Variants in ZNF644 observed in about 807,000 individuals in gnomAD.
ZNF644 encodes the protein zinc finger motif enhancer binding protein 2.
A neutral mutation model predicts 108.0 loss-of-function variants in ZNF644; 20 were observed. The ratio of observed to expected loss-of-function variants is 0.19; its 90% CI spans 0.13 to 0.27. The LOEUF (loss-of-function observed/expected upper bound fraction) is 0.27. Among genes scored for constraint, ZNF644 ranks in the 10% least tolerant of loss-of-function variants. The pLI, the probability that ZNF644 is intolerant of heterozygous loss-of-function variation, is 1.00. For synonymous variants in ZNF644, 542 were observed against 539.1 expected (o/e 1.01, Z -0.08); for missense variants, 1,338 against 1,548.9 (o/e 0.86, Z 2.29).
rs751514105 is a variant in ZNF644, at chr1:90,939,319, T to C, written c.2035A>G (p.Lys679Glu). The C allele has an allele frequency of 2.5e-6, 4 of 1,614,028 alleles. No homozygotes were observed. Among genetic ancestry groups the C allele is most frequent in the Non-Finnish European group, 3.4e-6 (4 of 1,179,920 alleles). Residue 679 changes from lysine (K) to glutamate (E), a missense_variant, in exon 3 of 6, where the codon AAG becomes GAG. Lys to Glu is a moderately conservative substitution (Grantham distance 56). Transcript: ENST00000337393. Reference sequence around the variant, plus strand: ...GCTTTCTGTATTCTGTGTGGCCGCTTATGAATTTTTGAAAAACTACTTGAT... The same window carrying C: ...GCTTTCTGTATTCTGTGTGGCCGCTCATGAATTTTTGAAAAACTACTTGAT... ...SQSSSFSKIH[K>E]RPHRIQKARK...
At position 90,989,035 on chromosome 1, in the gene ZNF644, G is replaced by A. The variant is rs141214792; in HGVS notation, c.-17-6665C>T. On this transcript the variant is annotated intron_variant, in intron 1 of 5. Transcript: ENST00000337393. ...AACAAAAAATGGAATTACATTAAAA[G>A]TTAAAAACTTCTGTACATCAAAAGA... Among the ~76,000 whole-genome samples the A allele has an allele frequency of 2.6e-3, 403 of 152,208 alleles. 2 individuals carry two copies. Among genetic ancestry groups the A allele is most frequent in the African/African-American group, 9.3e-3 (386 of 41,548 alleles).
At chr1:90,969,380 T>C (rs1039608539) in intron 2 of ZNF644, among the ~76,000 whole-genome samples, 1 of 152,244 alleles carries the variant, frequency 6.6e-6, no homozygotes, top group African/African-American at 2.4e-5. Flanking sequence ...TAAATTTCTA[T>C]TGTTTAGGCT....
intron 2 of ZNF644, among the ~76,000 whole-genome samples, chr1:90,956,509 C>T (rs1224222891): frequency 1.3e-5 from 2 of 152,018 alleles, no homozygotes; most frequent in Non-Finnish European, 2.9e-5. Flanking sequence ...AATGAAAACA[C>T]AACATACTAA....
chr1:91,021,755 T>C (rs926790311), intron 1 of ZNF644: 19 of 285,710 alleles, frequency 6.7e-5, no homozygotes, highest in African/African-American at 3.8e-4. Context: ...CCCGGGCTCC[T>C]TGTGTAGCAC....
chr1:90,982,212 T>G (rs946632646), intron 2 of ZNF644, 98 bp downstream of exon 2: 1 of 985,718 alleles, frequency 1.0e-6, no homozygotes, highest in African/African-American at 1.6e-5. Context: ...ATTTAAAAAC[T>G]CTTTGGTTCT....
chr1:90,962,139 C>G (rs1355262764), intron 2 of ZNF644, among the ~76,000 whole-genome samples: 1 of 152,010 alleles, frequency 6.6e-6, no homozygotes, highest in Non-Finnish European at 1.5e-5. Context: ...AAGATGTTAA[C>G]TGTATCTCAA....
intron 4 of ZNF644, among the ~76,000 whole-genome samples, chr1:90,933,157 C>T (rs770821869): frequency 6.6e-6 from 1 of 152,078 alleles, no homozygotes; most frequent in Non-Finnish European, 1.5e-5. Context: ...GCAGAATTTT[C>T]AGATGAAGTA....
intron 1 of ZNF644, among the ~76,000 whole-genome samples, chr1:91,008,842 C>A (rs1232450279): frequency 6.6e-6 from 1 of 152,086 alleles, no homozygotes; most frequent in African/African-American, 2.4e-5. Flanking sequence ...CATGAATAAC[C>A]AAGGTTGAAA....
intron 2 of ZNF644, among the ~76,000 whole-genome samples, chr1:90,945,790 C>T (rs564252191): frequency 1.3e-5 from 2 of 152,092 alleles, no homozygotes; most frequent in African/African-American, 4.8e-5. Context: ...CTTTTATGTA[C>T]ATTATTAATT....
At chr1:90,974,761 C>T (rs1381848660) in intron 2 of ZNF644, among the ~76,000 whole-genome samples, 1 of 152,182 alleles carries the variant, frequency 6.6e-6, no homozygotes, top group East Asian at 1.9e-4. Context: ...GATCTGTTCT[C>T]CCCATTTTAA....
intron 1 of ZNF644, among the ~76,000 whole-genome samples, chr1:91,000,770 C>A (rs1406757597): frequency 2.0e-5 from 3 of 151,906 alleles, no homozygotes; most frequent in South Asian, 2.1e-4. Flanking sequence ...AAGATCAACA[C>A]AATAGATAGA....
At chr1:90,960,932 T>A (rs1654275439) in intron 2 of ZNF644, among the ~76,000 whole-genome samples, 1 of 151,888 alleles carries the variant, frequency 6.6e-6, no homozygotes, top group African/African-American at 2.4e-5. Context: ...ACAAGAATCA[T>A]CCAAAAGTGA....
intron 1 of ZNF644, among the ~76,000 whole-genome samples, chr1:90,985,824 G>A (rs1657033027): frequency 6.6e-6 from 1 of 152,118 alleles, no homozygotes; most frequent in South Asian, 2.1e-4. Context: ...AACCAGACGT[G>A]GGACTGCTAT....
chr1:90,937,433 T>A, intron 4 of ZNF644, 52 bp downstream of exon 4: 3 of 1,611,390 alleles, frequency 1.9e-6, no homozygotes, highest in South Asian at 1.1e-5. Flanking sequence ...AAAGAAGGCA[T>A]AATTGAACTG....
intron 1 of ZNF644, among the ~76,000 whole-genome samples, chr1:91,004,243 G>A (rs533774862): frequency 1.4e-5 from 1 of 69,412 alleles, no homozygotes; most frequent in African/African-American, 5.8e-5. Flanking sequence ...GATAAACCCA[G>A]AGAGATCTAC....
Position 90,939,267 on chromosome 1 carries a change from A to G in ZNF644, c.2087T>C (p.Val696Ala), listed in dbSNP as rs1396996802. 19 of 1,613,890 alleles carry G rather than the reference A, an allele frequency of 1.2e-5. No individual in the cohort carries two copies. Among genetic ancestry groups the G allele is most frequent in the Non-Finnish European group, 1.5e-5 (18 of 1,179,934 alleles). Reference protein sequence around the residue: ...KARKSIAQSGVNMCNQNSSPH... With the variant: ...KARKSIAQSGANMCNQNSSPH... Reference sequence around the variant, plus strand: ...AGAGCTGTTTTGATTGCACATGTTTACACCTGATTGGGCAATGCTTTTCCG... The same window carrying G: ...AGAGCTGTTTTGATTGCACATGTTTGCACCTGATTGGGCAATGCTTTTCCG... Residue 696 changes from valine to alanine, a missense_variant, in exon 3 of 6, where the codon GTA becomes GCA. Physicochemically the swap from Val to Ala is moderately conservative, Grantham distance 64 (BLOSUM62 0). Around this residue, in one of 6 missense-constraint regions of ZNF644, gnomAD observed 462 missense variants for 472.6 expected, o/e 0.98. Transcript: ENST00000337393.
intron 2 of ZNF644, among the ~76,000 whole-genome samples, chr1:90,958,232 TAAAAAA>T (rs777224217): frequency 2.7e-4 from 11 of 41,400 alleles, no homozygotes; most frequent in African/African-American, 9.7e-4. Flanking sequence ...GCAAAACTCC[TAAAAAA>T]AAAAAAAAAA....
In ZNF644 at chr1:90,940,294, A is replaced by G; in HGVS notation, c.1060T>C (p.Leu354=). The stretch of plus-strand genomic sequence containing the variant: ...TGTTGGAAGGCATCCACAGATTCTA[A>G]GTCTTCATCAGTTGATTCAGGCTTC... ...KVKPESTDED[L]ESVDAFQHLI... The change falls in exon 3 of 6, where the codon TTA becomes CTA. Residue 354 remains leucine, a synonymous_variant. Transcript: ENST00000337393. 1 of 1,613,980 alleles carries G rather than the reference A, an allele frequency of 6.2e-7. No homozygotes were observed. Among genetic ancestry groups the G allele is most frequent in the Non-Finnish European group, 8.5e-7 (1 of 1,179,948 alleles).
chr1:90,928,453 G>C (rs956644096), intron 4 of ZNF644, among the ~76,000 whole-genome samples: 1 of 151,692 alleles, frequency 6.6e-6, no homozygotes, highest in African/African-American at 2.4e-5. Flanking sequence ...GAATAGCTGG[G>C]ATTACAGGCG....
Sources: gnomAD v4.1 joint callset for allele counts (sites outside exome capture counted in the v4.1 genomes callset) on GRCh38, gnomAD v4.1.1 for gene constraint, gnomAD v4.1.1 regional missense constraint, MANE v1.5 for transcripts, NCBI Gene and HGNC (gene_info 2026-07-23, HGNC 2026-07-21) for gene names.